The following EEA1 variants were observed in gnomAD, a reference collection of about 807,000 sequenced individuals.
EEA1 encodes early endosome antigen 1.
Under a neutral mutation model 209.2 loss-of-function variants are expected in EEA1, and 111 were observed. The observed-to-expected ratio is 0.53, with a 90% CI of 0.45 to 0.62. The LOEUF is 0.62. Ranked by LOEUF, EEA1 falls within the 20% of genes least tolerant of loss-of-function variation. The probability of loss-of-function intolerance (pLI) is 0.00; values close to 1 mark genes in which losing one functional copy is unlikely to be tolerated. For missense variants in EEA1, 1,343 were observed against 1,530.8 expected (o/e 0.88, Z 2.05); for synonymous variants, 536 against 540.6 (o/e 0.99, Z 0.12).
chr12:92,867,903 C>A (rs146407997), intron 2 of EEA1, among the ~76,000 whole-genome samples: 8 of 151,730 alleles, frequency 5.3e-5, no homozygotes, highest in African/African-American at 1.9e-4. Context: ...GAATTCAGTA[C>A]GAAAGAATAA....
intron 18 of EEA1, among the ~76,000 whole-genome samples, chr12:92,807,231 G>C (rs1272390045): frequency 6.6e-6 from 1 of 151,330 alleles, no homozygotes. Context: ...TAGGATTACA[G>C]GCATGAGCCA....
At chr12:92,882,150 C>T (rs1419692310) in intron 2 of EEA1, among the ~76,000 whole-genome samples, 1 of 151,906 alleles carries the variant, frequency 6.6e-6, no homozygotes, top group African/African-American at 2.4e-5. Flanking sequence ...CTCTGTTGCC[C>T]AGGCTGGAGT....
chr12:92,831,099 C>T (rs1876606767), intron 11 of EEA1, among the ~76,000 whole-genome samples: 1 of 152,044 alleles, frequency 6.6e-6, no homozygotes, highest in Non-Finnish European at 1.5e-5. Context: ...ATAACTGAAG[C>T]TCATTAAATT....
chr12:92,879,852 C>CA (rs1879062564), intron 2 of EEA1, among the ~76,000 whole-genome samples: 3 of 152,328 alleles, frequency 2.0e-5, no homozygotes, highest in Admixed American at 2.0e-4. Flanking sequence ...GCTGCCTACT[C>CA]AAACAGCCCT....
chr12:92,834,501 C>T (rs1002181703), intron 10 of EEA1, among the ~76,000 whole-genome samples: 2 of 146,372 alleles, frequency 1.4e-5, no homozygotes, highest in African/African-American at 2.6e-5. Context: ...ACTAAGATCA[C>T]GCCACTGCAC....
At chr12:92,814,126 C>G (rs766166550) in intron 15 of EEA1, among the ~76,000 whole-genome samples, 1 of 152,024 alleles carries the variant, frequency 6.6e-6, no homozygotes, top group Non-Finnish European at 1.5e-5. Flanking sequence ...ATTCTTTTAG[C>G]TGGTTGAAGA....
At position 92,775,188 on chromosome 12, in the gene EEA1, T is replaced by C. The variant is rs900764989; in HGVS notation, c.*823A>G. 1 of 151,656 alleles carries C rather than the reference T, an allele frequency of 6.6e-6. No individual in the cohort carries two copies. Among genetic ancestry groups the C allele is most frequent in the Non-Finnish European group, 1.5e-5 (1 of 67,662 alleles). The allele number at this position is 151,656 out of a possible 1,614,324, so 9.4% of individuals were successfully genotyped here. ...AACATTATACAATGTTTATTATTCA[T>C]CCTCCAACTGACAGCGAGGGTAAGA... On this transcript the variant is annotated 3_prime_UTR_variant, in exon 29 of 29. Transcript: ENST00000322349.
At chr12:92,828,411 A>T (rs12299077) in intron 11 of EEA1, among the ~76,000 whole-genome samples, 3 of 151,958 alleles carry the variant, frequency 2.0e-5, no homozygotes, top group Non-Finnish European at 2.9e-5. Flanking sequence ...CTTAGTACAC[A>T]CTCAGATCTA....
At chr12:92,784,212 C>A (rs1179618401) in intron 22 of EEA1, among the ~76,000 whole-genome samples, 1 of 152,048 alleles carries the variant, frequency 6.6e-6, no homozygotes, top group African/African-American at 2.4e-5. Context: ...AGTACATCGC[C>A]CAAAAAGCAG....
chr12:92,912,425 A>G (rs1274674438), intron 1 of EEA1, among the ~76,000 whole-genome samples: 1 of 152,174 alleles, frequency 6.6e-6, no homozygotes, highest in Non-Finnish European at 1.5e-5. Context: ...TGTCTGCACA[A>G]TGGGATTTGT....
chr12:92,863,393 C>T (rs965009916), intron 3 of EEA1, among the ~76,000 whole-genome samples: 12 of 152,180 alleles, frequency 7.9e-5, no homozygotes, highest in African/African-American at 2.2e-4. Flanking sequence ...TTGGAACATA[C>T]TACCTTAGAA....
chr12:92,916,548 G>A (rs964708675), intron 1 of EEA1, among the ~76,000 whole-genome samples: 7 of 146,090 alleles, frequency 4.8e-5, no homozygotes, highest in Non-Finnish European at 9.0e-5. Flanking sequence ...AGCTACTGGG[G>A]AGGCTGAGGC....
chr12:92,805,277 T>A (rs534127968), intron 18 of EEA1, among the ~76,000 whole-genome samples: 46 of 152,260 alleles, frequency 3.0e-4, no homozygotes, highest in African/African-American at 1.1e-3. Flanking sequence ...AGGCACAAGA[T>A]GCAATTCTAT....
chr12:92,801,893 A>C (rs952735795), intron 19 of EEA1, among the ~76,000 whole-genome samples, 192 bp from the exon 20 acceptor site: 1 of 151,852 alleles, frequency 6.6e-6, no homozygotes, highest in Non-Finnish European at 1.5e-5. Context: ...GGACAACAAA[A>C]CACTAAGGGT....
At chr12:92,841,299 T>C (rs138313470) in intron 10 of EEA1, among the ~76,000 whole-genome samples, 3 of 152,188 alleles carry the variant, frequency 2.0e-5, no homozygotes, top group African/African-American at 7.2e-5. Context: ...CCTTATACTA[T>C]ATACAAAATT....
In EEA1 at chr12:92,850,993, A is replaced by G. The variant is rs141503407; in HGVS notation, c.798+118T>C. The G allele has an allele frequency of 9.7e-4, 933 of 964,736 alleles. 23 individuals are homozygous for G. In the East Asian group the frequency reaches 0.022, roughly 22 times the overall value. 59.8% of individuals were successfully genotyped at this position (964,736 alleles called of 1,614,324 possible). A position where few individuals can be genotyped will look rare whatever the true frequency, so the allele number is the denominator to read the frequency against. On this transcript the variant is annotated intron_variant, in intron 9 of 28. Coordinates refer to ENST00000322349, the MANE Select transcript of EEA1 (RefSeq NM_003566.4). ...ACAAATATTATTCAGATCAAAAATG[A>G]AAGAAAGACAAATATTTTGATAGGC...
chr12:92,820,197 T>C (rs568614177), intron 13 of EEA1, among the ~76,000 whole-genome samples: 2 of 152,206 alleles, frequency 1.3e-5, no homozygotes, highest in East Asian at 3.9e-4. Flanking sequence ...ACTGAATGAA[T>C]AGAAAAATAA....
At chr12:92,785,300 TCAGGC>T (rs1359560136) in intron 22 of EEA1, among the ~76,000 whole-genome samples, 2 of 152,088 alleles carry the variant, frequency 1.3e-5, no homozygotes, top group African/African-American at 2.4e-5. Context: ...AAGGCATAGA[TCAGGC>T]CAGGCTACCT....
At chr12:92,909,580 A>T (rs1880503593) in intron 1 of EEA1, among the ~76,000 whole-genome samples, 1 of 152,232 alleles carries the variant, frequency 6.6e-6, no homozygotes, top group Non-Finnish European at 1.5e-5. Context: ...ACCAAAACTC[A>T]TGTTGAAATT....
Sources: allele counts gnomAD v4.1 joint callset (sites outside exome capture counted in the v4.1 genomes callset), GRCh38; gene constraint gnomAD v4.1.1; transcripts MANE v1.5; gene names NCBI Gene and HGNC (gene_info 2026-07-23, HGNC 2026-07-21).